The following KCNIP4 variants were observed in gnomAD, a reference collection of about 807,000 sequenced individuals.
KCNIP4 encodes the protein Kv channel-interacting protein 4.
A neutral mutation model predicts 34.0 loss-of-function variants in KCNIP4; 12 were observed. The observed-to-expected ratio is 0.35, with a 90% CI of 0.23 to 0.57. KCNIP4 has a LOEUF of 0.57. Ranked by LOEUF, KCNIP4 falls within the 20% of genes least tolerant of loss-of-function variation. The probability of loss-of-function intolerance (pLI) is 0.83; values close to 1 mark genes in which losing one functional copy is unlikely to be tolerated. For missense variants in KCNIP4, 238 were observed against 311.7 expected, an observed-to-expected ratio of 0.76 and a Z score of 1.78; for synonymous variants, 124 against 102.2, an observed-to-expected ratio of 1.21 and a Z score of -1.29.
chr4:21,075,849 C>T (rs1163817074), intron 1 of KCNIP4, among the ~76,000 whole-genome samples: 2 of 152,162 alleles, frequency 1.3e-5, no homozygotes, highest in Non-Finnish European at 2.9e-5. Context: ...GACAAAATCT[C>T]TCAGCATTTG....
chr4:21,368,732 T>C (rs1720046900), intron 1 of KCNIP4, among the ~76,000 whole-genome samples: 1 of 147,490 alleles, frequency 6.8e-6, no homozygotes, highest in East Asian at 2.0e-4. Flanking sequence ...TCATATAGTA[T>C]CAATTTAATT....
intron 1 of KCNIP4, among the ~76,000 whole-genome samples, chr4:21,412,487 C>T (rs1395667858): frequency 1.3e-5 from 2 of 152,160 alleles, no homozygotes; most frequent in African/African-American, 4.8e-5. Flanking sequence ...TTTATTAGTA[C>T]TTTGGTTAAT....
intron 1 of KCNIP4, among the ~76,000 whole-genome samples, chr4:21,597,646 A>G (rs1742762447): frequency 6.6e-6 from 1 of 152,140 alleles, no homozygotes; most frequent in Non-Finnish European, 1.5e-5. Flanking sequence ...TCCTTTTATT[A>G]TCTACAGCTC....
intron 1 of KCNIP4, among the ~76,000 whole-genome samples, chr4:21,098,505 T>C (rs940280974): frequency 2.6e-5 from 4 of 152,194 alleles, no homozygotes; most frequent in Non-Finnish European, 5.9e-5. Context: ...TCCCTAAGAA[T>C]TATGCTAAAC....
At chr4:20,790,307 G>A (rs1252213053) in intron 3 of KCNIP4, among the ~76,000 whole-genome samples, 1 of 152,128 alleles carries the variant, frequency 6.6e-6, no homozygotes, top group East Asian at 1.9e-4. Flanking sequence ...AATAGTGAGT[G>A]AATGTGAAGG....
In KCNIP4 at chr4:21,863,260, A is replaced by ATTTTT. The variant is rs34972685; in HGVS notation, c.61+85306_61+85310dup. Reference sequence around the variant, plus strand: ...ATGGCTAATAAATTCCACGGATTGAATTTTTTTTTTTTTTTTGGCAGATGG... The same window carrying ATTTTT: ...ATGGCTAATAAATTCCACGGATTGAATTTTTTTTTTTTTTTTTTTTTGGCAGATGG... On this transcript the variant is annotated intron_variant, in intron 1 of 8. Transcript: ENST00000382152. Among the ~76,000 whole-genome samples, 685 of 141,730 alleles carry ATTTTT rather than the reference A, an allele frequency of 4.8e-3. 17 individuals carry two copies. The highest frequency in any genetic ancestry group is 0.043 in the East Asian group (205 of 4,728). 93.0% of individuals were successfully genotyped at this position (141,730 alleles called of 152,430 possible).
In KCNIP4 at chr4:20,767,559, T is replaced by G. The variant is rs909326065; in HGVS notation, c.289-8669A>C. On this transcript the variant is annotated intron_variant, in intron 3 of 8. Transcript: ENST00000382152. ...ATACTTTCACCTTATAAGGAAACCT[T>G]TCAGCATTTCCTGGAAGGTTTTCAG... Among the ~76,000 whole-genome samples the G allele has an allele frequency of 1.3e-4, 20 of 152,304 alleles. 1 individual carries two copies. The highest frequency in any genetic ancestry group is 1.1e-3 in the Admixed American group (17 of 15,292).
Position 21,192,945 on chromosome 4 carries a change from ACT to A in KCNIP4, c.62-310238_62-310237del, listed in dbSNP as rs1560797511. Among the ~76,000 whole-genome samples the A allele has an allele frequency of 3.1e-3, 447 of 146,094 alleles. 3 individuals carry two copies. The highest frequency in any genetic ancestry group is 0.011 in the African/African-American group (418 of 39,224). On this transcript the variant is annotated intron_variant, in intron 1 of 8. Transcript: ENST00000382152. Reference sequence around the variant, plus strand: ...TACTACTACTACTACTACTACTACTACTACTACTAATAATAATAATAATTAGT... The same window carrying A: ...TACTACTACTACTACTACTACTACTAACTACTAATAATAATAATAATTAGT...
intron 1 of KCNIP4, among the ~76,000 whole-genome samples, chr4:21,842,988 T>C (rs1389845365): frequency 6.6e-6 from 1 of 152,072 alleles, no homozygotes; most frequent in Non-Finnish European, 1.5e-5. Flanking sequence ...TAAAAATTAG[T>C]GTTTCATACC....
chr4:20,894,319 A>C (rs73242547), intron 1 of KCNIP4, among the ~76,000 whole-genome samples: 2 of 152,126 alleles, frequency 1.3e-5, no homozygotes, highest in African/African-American at 4.8e-5. Flanking sequence ...TTGATTCTTA[A>C]TAGGATTTGG....
chr4:21,939,163 C>T (rs919774472), intron 1 of KCNIP4, among the ~76,000 whole-genome samples: 1 of 152,150 alleles, frequency 6.6e-6, no homozygotes, highest in Admixed American at 6.6e-5. Context: ...ACAGTTTAAT[C>T]TTCCCATTGT....
At chr4:21,919,432 G>A (rs1199214061) in intron 1 of KCNIP4, among the ~76,000 whole-genome samples, 1 of 152,166 alleles carries the variant, frequency 6.6e-6, no homozygotes, top group Non-Finnish European at 1.5e-5. Context: ...AGTAGCTTTG[G>A]TAATGTTAAA....
chr4:21,645,396 T>C (rs1408201109), intron 1 of KCNIP4, among the ~76,000 whole-genome samples: 1 of 151,118 alleles, frequency 6.6e-6, no homozygotes, highest in African/African-American at 2.5e-5. Context: ...TAAATATACA[T>C]TGTTATTATT....
At chr4:21,788,513 A>T (rs1386730166) in intron 1 of KCNIP4, among the ~76,000 whole-genome samples, 2 of 152,060 alleles carry the variant, frequency 1.3e-5, no homozygotes, top group Non-Finnish European at 2.9e-5. Flanking sequence ...AGATGGAACA[A>T]GATGCATGCA....
rs952943707 is a variant in KCNIP4, at chr4:21,401,282, A to G, written c.62-518573T>C. 5.3e-5 allele frequency among the ~76,000 whole-genome samples: 8 copies of G among 152,336 alleles called. No individual in the cohort carries two copies. The East Asian group carries it at 1.5e-3, about 29-fold the overall frequency. ...AGCTGAAGTTTATTTTCCATTCTCC[A>G]TCAGTCTAGAATAATCTCATTTGGA... On this transcript the variant is annotated intron_variant, in intron 1 of 8. Transcript: ENST00000382152.
intron 1 of KCNIP4, among the ~76,000 whole-genome samples, chr4:21,862,041 C>A (rs1210588683): frequency 1.3e-5 from 2 of 152,162 alleles, no homozygotes; most frequent in Non-Finnish European, 2.9e-5. Context: ...AGCTTTTCAT[C>A]TGTTCTTCCC....
chr4:21,158,811 G>A (rs1374032019), intron 1 of KCNIP4, among the ~76,000 whole-genome samples: 2 of 151,996 alleles, frequency 1.3e-5, no homozygotes, highest in African/African-American at 4.8e-5. Flanking sequence ...AAGAAATACA[G>A]TATTGAGCAT....
chr4:21,661,162 G>A (rs1418088284), intron 1 of KCNIP4, among the ~76,000 whole-genome samples: 5 of 152,094 alleles, frequency 3.3e-5, no homozygotes, highest in Non-Finnish European at 7.4e-5. Flanking sequence ...GCTGAACTCA[G>A]GGGAACATCA....
intron 1 of KCNIP4, among the ~76,000 whole-genome samples, chr4:21,886,097 A>G (rs1335546455): frequency 1.3e-5 from 2 of 152,118 alleles, no homozygotes; most frequent in Non-Finnish European, 2.9e-5. Context: ...TTAGAACATG[A>G]AATTCTGTAT....
Sources: allele counts gnomAD v4.1 joint callset (sites outside exome capture counted in the v4.1 genomes callset), GRCh38; gene constraint gnomAD v4.1.1; transcripts MANE v1.5; gene names NCBI Gene and HGNC (gene_info 2026-07-23, HGNC 2026-07-21).